KCNQ5: variants seen among roughly 807,000 people sequenced by gnomAD.
KCNQ5 encodes potassium voltage-gated channel subfamily Q member 5, also known as potassium voltage-gated channel subfamily KQT member 5.
Under a neutral mutation model 98.2 loss-of-function variants are expected in KCNQ5, and 30 were observed. That is an observed-to-expected ratio of 0.31 (90% CI 0.23 to 0.41). KCNQ5 has a LOEUF of 0.41. Ranked by LOEUF, KCNQ5 falls within the 10% of genes least tolerant of loss-of-function variation. The pLI is 1.00. For synonymous variants in KCNQ5, 458 were observed against 449.4 expected (o/e 1.02, Z -0.24); for missense variants, 835 against 1,182.5 (o/e 0.71, Z 4.31).
chr6:72,668,256 C>G lies in KCNQ5; in HGVS notation c.398+45669C>G, dbSNP rs1202341593. ...TTATTTCTTAAAAAAGGAAAGTTGA[C>G]AGCCCAAATCAATATAATTCAACTG... is the stretch of plus-strand genomic sequence containing the variant. On this transcript the variant is annotated intron_variant, in intron 1 of 13. Transcript: ENST00000370398. 2.0e-5 allele frequency among the ~76,000 whole-genome samples: 3 copies of G among 152,272 alleles called. No homozygotes were observed. The East Asian group carries it at 5.8e-4, about 29-fold the overall frequency.
chr6:73,077,931 T>C (rs777935596), intron 5 of KCNQ5, 44 bp downstream of exon 5: 4 of 1,509,688 alleles, frequency 2.6e-6, no homozygotes, highest in South Asian at 1.3e-5. Context: ...TGTTGTGAAT[T>C]GTTTTTTTTT....
chr6:72,932,696 G>A (rs1765739434), intron 1 of KCNQ5, among the ~76,000 whole-genome samples: 1 of 152,046 alleles, frequency 6.6e-6, no homozygotes, highest in Non-Finnish European at 1.5e-5. Flanking sequence ...CATAGCCTAG[G>A]AATTAGCATT....
chr6:72,862,888 A>G (rs1777827640), intron 1 of KCNQ5, among the ~76,000 whole-genome samples: 1 of 152,158 alleles, frequency 6.6e-6, no homozygotes, highest in Non-Finnish European at 1.5e-5. Flanking sequence ...TCATCATCCC[A>G]AAGTGCAGGA....
rs10607088 is a variant in KCNQ5 at position 72,760,447 on chromosome 6, CGTGTGTGTGTGTGTGT to C, written c.398+137878_398+137893del. 4.7e-5 allele frequency among the ~76,000 whole-genome samples: 7 copies of C among 148,140 alleles called. No homozygotes were observed. The East Asian group carries it at 1.0e-3, about 22-fold the overall frequency. On this transcript the variant is annotated intron_variant, in intron 1 of 13. Coordinates refer to ENST00000370398, the MANE Select transcript of KCNQ5 (RefSeq NM_019842.4). ...AATAGAATTGTTTTTTTCAGGAGTA[CGTGTGTGTGTGTGTGT>C]GTGTGTGTGTGTGTGTGCACGTGTG... is the stretch of plus-strand genomic sequence containing the variant.
intron 1 of KCNQ5, among the ~76,000 whole-genome samples, chr6:72,979,000 T>A (rs1326179122): frequency 1.3e-5 from 2 of 152,216 alleles, no homozygotes; most frequent in African/African-American, 4.8e-5. Context: ...CTACAAAGGA[T>A]ATGAACTCAA....
At chr6:72,985,132 G>A (rs539418024) in intron 1 of KCNQ5, among the ~76,000 whole-genome samples, 9 of 152,322 alleles carry the variant, frequency 5.9e-5, no homozygotes, top group African/African-American at 2.2e-4. Context: ...CGTGAGCCCA[G>A]ATGTTCAAGG....
chr6:72,965,452 T>C (rs1422830289), intron 1 of KCNQ5, among the ~76,000 whole-genome samples: 1 of 152,222 alleles, frequency 6.6e-6, no homozygotes, highest in African/African-American at 2.4e-5. Context: ...GTAGTGACTT[T>C]ACAGAACATA....
intron 1 of KCNQ5, among the ~76,000 whole-genome samples, chr6:72,788,160 G>A (rs537979810): frequency 6.6e-6 from 1 of 152,296 alleles, no homozygotes; most frequent in Non-Finnish European, 1.5e-5. Context: ...AAAAATACAG[G>A]AGGAATTTTG....
intron 10 of KCNQ5, among the ~76,000 whole-genome samples, chr6:73,167,976 C>T (rs1460346944): frequency 1.3e-5 from 2 of 152,026 alleles, no homozygotes; most frequent in East Asian, 1.9e-4. Context: ...TACAGGAAGA[C>T]AAATTTCAAA....
intron 13 of KCNQ5, 71 bp from the exon 14 acceptor site, chr6:73,194,381 C>T (rs117499985): frequency 0.037 from 53,081 of 1,417,794 alleles, 1,108 homozygotes; most frequent in East Asian, 0.058. Flanking sequence ...CTTCATTTTT[C>T]AAAATTAAAA....
At chr6:72,761,756 C>T (rs1582240716) in intron 1 of KCNQ5, among the ~76,000 whole-genome samples, 1 of 152,104 alleles carries the variant, frequency 6.6e-6, no homozygotes, top group South Asian at 2.1e-4. Context: ...TATTTTACAT[C>T]TTTAAGTAAA....
At chr6:73,100,465 G>T (rs6927779) in intron 5 of KCNQ5, among the ~76,000 whole-genome samples, 110,579 of 151,672 alleles carry the variant, frequency 0.73, 45,435 homozygotes, top group South Asian at 0.94. Context: ...AGGAGACCGA[G>T]ACCATCCTGG....
chr6:72,906,964 A>G (rs938696821), intron 1 of KCNQ5, among the ~76,000 whole-genome samples: 4 of 151,984 alleles, frequency 2.6e-5, no homozygotes, highest in Admixed American at 2.6e-4. Flanking sequence ...TGATTATGTT[A>G]TTTATTTACT....
intron 1 of KCNQ5, among the ~76,000 whole-genome samples, chr6:72,942,157 G>A (rs1766342612): frequency 6.6e-6 from 1 of 152,144 alleles, no homozygotes; most frequent in African/African-American, 2.4e-5. Flanking sequence ...AGATTTCAGA[G>A]AAATAGAACA....
intron 1 of KCNQ5, among the ~76,000 whole-genome samples, chr6:72,891,389 C>A (rs1291667155): frequency 1.3e-5 from 2 of 152,100 alleles, no homozygotes; most frequent in East Asian, 3.8e-4. Context: ...TTCAGATATT[C>A]TAGAGAATTA....
At chr6:72,832,444 G>C (rs1328250259) in intron 1 of KCNQ5, among the ~76,000 whole-genome samples, 2 of 152,062 alleles carry the variant, frequency 1.3e-5, no homozygotes, top group Non-Finnish European at 2.9e-5. Context: ...TGGCATCCCT[G>C]GGTAGAGGCC....
chr6:72,721,828 C>T (rs1041554067), intron 1 of KCNQ5, among the ~76,000 whole-genome samples: 1 of 152,134 alleles, frequency 6.6e-6, no homozygotes, highest in East Asian at 1.9e-4. Flanking sequence ...CTGTGTGAAC[C>T]TTATGGCTGT....
chr6:72,642,245 C>G (rs1421639935), intron 1 of KCNQ5, among the ~76,000 whole-genome samples: 1 of 151,336 alleles, frequency 6.6e-6, no homozygotes, highest in African/African-American at 2.4e-5. Flanking sequence ...TATCCTTTGC[C>G]CATTAAACAT....
At chr6:72,746,215 T>C (rs1771397499) in intron 1 of KCNQ5, among the ~76,000 whole-genome samples, 1 of 119,710 alleles carries the variant, frequency 8.4e-6, no homozygotes. Flanking sequence ...TTTTTAGCAT[T>C]CTATTCTGTG....
Sources: allele counts gnomAD v4.1 joint callset (sites outside exome capture counted in the v4.1 genomes callset), GRCh38; gene constraint gnomAD v4.1.1; transcripts MANE v1.5; gene names NCBI Gene and HGNC (gene_info 2026-07-23, HGNC 2026-07-21).